The following LURAP1L variants were observed in gnomAD, a reference collection of about 807,000 sequenced individuals.
LURAP1L encodes the protein leucine rich adaptor protein 1 like, also known as leucine rich adaptor protein 1-like.
Under a neutral mutation model 13.8 loss-of-function variants are expected in LURAP1L, and 12 were observed. That is an observed-to-expected ratio of 0.87 (90% CI 0.56 to 1.41). The LOEUF is 1.41. Among genes scored for constraint, LURAP1L ranks in the 40% most tolerant of loss-of-function variants. The pLI is 0.00. For missense variants in LURAP1L, 375 were observed against 292.9 expected (o/e 1.28, Z -2.04); for synonymous variants, 139 against 119.2 (o/e 1.17, Z -1.08).
At chr9:12,793,771 C>G (rs949916098) in intron 1 of LURAP1L, among the ~76,000 whole-genome samples, 30 of 151,992 alleles carry the variant, frequency 2.0e-4, no homozygotes, top group African/African-American at 5.3e-4. Context: ...TGAACGGTAG[C>G]TTTACTTAGT....
chr9:12,799,404 T>C (rs1461934388), intron 1 of LURAP1L, among the ~76,000 whole-genome samples: 3 of 152,206 alleles, frequency 2.0e-5, no homozygotes, highest in Admixed American at 2.0e-4. Flanking sequence ...ATATTTACAT[T>C]GAAATAACTT....
At chr9:12,794,459 A>G (rs1819486333) in intron 1 of LURAP1L, among the ~76,000 whole-genome samples, 1 of 152,072 alleles carries the variant, frequency 6.6e-6, no homozygotes. Context: ...TTTGTAAACA[A>G]AACTTGGAGT....
intron 1 of LURAP1L, among the ~76,000 whole-genome samples, chr9:12,778,883 G>A (rs1819228164): frequency 6.6e-6 from 1 of 152,212 alleles, no homozygotes; most frequent in South Asian, 2.1e-4. Flanking sequence ...TTATCCATGG[G>A]AGATATGTTC....
intron 1 of LURAP1L, among the ~76,000 whole-genome samples, chr9:12,804,113 G>T (rs1159986728): frequency 6.6e-6 from 1 of 151,950 alleles, no homozygotes; most frequent in Non-Finnish European, 1.5e-5. Flanking sequence ...TTTTTTTCCT[G>T]TGCAATAGGG....
At chr9:12,790,334 C>T (rs1045021304) in intron 1 of LURAP1L, among the ~76,000 whole-genome samples, 2 of 152,096 alleles carry the variant, frequency 1.3e-5, no homozygotes, top group Non-Finnish European at 2.9e-5. Context: ...GTCCTTAATG[C>T]CTGGCCAATT....
At chr9:12,812,773 C>A (rs1415274389) in intron 1 of LURAP1L, among the ~76,000 whole-genome samples, 1 of 152,144 alleles carries the variant, frequency 6.6e-6, no homozygotes, top group Non-Finnish European at 1.5e-5. Context: ...ATTATAAAGC[C>A]TACTGTTTAT....
intron 1 of LURAP1L, among the ~76,000 whole-genome samples, chr9:12,808,613 T>C (rs1819693381): frequency 6.6e-6 from 1 of 152,208 alleles, no homozygotes; most frequent in South Asian, 2.1e-4. Context: ...CTTATACTTG[T>C]GCAACTGTAG....
At position 12,775,293 on chromosome 9, in the gene LURAP1L, G is replaced by A. The variant is rs933520500; in HGVS notation, c.-423G>A. The stretch of plus-strand genomic sequence containing the variant: ...ACCAGATGGGCAGTCAGTGAGCGGC[G>A]CAGGGATGTGAACGGACGGTTTTAT... On this transcript the variant is annotated 5_prime_UTR_variant, in exon 1 of 2. Coordinates refer to ENST00000319264, the MANE Select transcript of LURAP1L (RefSeq NM_203403.2). 3 of 161,310 alleles carry A rather than the reference G, an allele frequency of 1.9e-5. No individual in the cohort carries two copies. The South Asian group carries it at 5.8e-4, about 31-fold the overall frequency. 10.0% of individuals were successfully genotyped at this position (161,310 alleles called of 1,614,324 possible).
intron 1 of LURAP1L, among the ~76,000 whole-genome samples, chr9:12,807,140 G>C (rs1161060365): frequency 7.5e-6 from 1 of 133,898 alleles, no homozygotes; most frequent in Non-Finnish European, 1.6e-5. Context: ...GGTGGCAGGC[G>C]CCTGTAGTCC....
At chr9:12,801,063 G>T (rs887273831) in intron 1 of LURAP1L, among the ~76,000 whole-genome samples, 1 of 152,080 alleles carries the variant, frequency 6.6e-6, no homozygotes, top group African/African-American at 2.4e-5. Context: ...AGGTATAAAA[G>T]CAATTGAAAA....
At chr9:12,797,299 A>C (rs868230038) in intron 1 of LURAP1L, among the ~76,000 whole-genome samples, 5 of 152,024 alleles carry the variant, frequency 3.3e-5, no homozygotes, top group African/African-American at 4.8e-5. Context: ...TAACTACAAA[A>C]CCAGCCTAGA....
rs1329794715 is a variant in LURAP1L, at chr9:12,775,886, T to TAGC, written c.181_183dup (p.Ser61dup). 1.4e-6 allele frequency: 2 copies of TAGC among 1,469,004 alleles called. No individual in the cohort carries two copies. The highest frequency in any genetic ancestry group is 5.1e-5 in the East Asian group (2 of 38,892). The allele number at this position is 1,469,004 out of a possible 1,614,324, so 91.0% of individuals were successfully genotyped here. On this transcript the variant is annotated inframe_insertion, in exon 1 of 2. Transcript: ENST00000319264. ...GTGGCGGCGGCGGCGGCGGCTGCAG[T>TAGC]AGCAGCAGCAGCTACTGCAGCTTCC...
rs1401489738 is a variant in LURAP1L at position 12,776,133 on chromosome 9, G to C, written c.312+106G>C. ...AGAGGACGGCAGGGGCTGCAGAGCG[G>C]AGCGCTGGGCGCGTGGGAAATGCTG... is the stretch of plus-strand genomic sequence containing the variant. On this transcript the variant is annotated intron_variant, in intron 1 of 1. Transcript: ENST00000319264. 1.4e-5 allele frequency: 17 copies of C among 1,181,596 alleles called. No homozygotes were observed. The South Asian group carries it at 1.8e-4, about 12-fold the overall frequency. The allele number at this position is 1,181,596 out of a possible 1,614,324, so 73.2% of individuals were successfully genotyped here.
intron 1 of LURAP1L, among the ~76,000 whole-genome samples, chr9:12,809,149 C>T (rs925695433): frequency 6.6e-6 from 1 of 152,144 alleles, no homozygotes; most frequent in African/African-American, 2.4e-5. Flanking sequence ...GGGCACTAAG[C>T]CATCCCTGAT....
At chr9:12,797,176 C>T (rs184175551) in intron 1 of LURAP1L, among the ~76,000 whole-genome samples, 2 of 152,130 alleles carry the variant, frequency 1.3e-5, no homozygotes, top group Admixed American at 1.3e-4. Context: ...AGGACTCTTG[C>T]TATTTCTGTG....
intron 1 of LURAP1L, among the ~76,000 whole-genome samples, chr9:12,783,719 G>C (rs1038954279): frequency 6.6e-6 from 1 of 151,814 alleles, no homozygotes; most frequent in African/African-American, 2.4e-5. Context: ...TGGCCTAATA[G>C]ACTGAGTTTA....
chr9:12,787,749 T>C (rs1257198022), intron 1 of LURAP1L, among the ~76,000 whole-genome samples: 1 of 152,028 alleles, frequency 6.6e-6, no homozygotes, highest in African/African-American at 2.4e-5. Context: ...GGACAAAAAA[T>C]ACTTCACCGC....
chr9:12,815,970 G>C (rs1022363986), intron 1 of LURAP1L, among the ~76,000 whole-genome samples: 1 of 152,154 alleles, frequency 6.6e-6, no homozygotes, highest in Admixed American at 6.5e-5. Flanking sequence ...TTAGCCATGA[G>C]TTTTTACCAG....
At chr9:12,801,149 A>T (rs9298684) in intron 1 of LURAP1L, among the ~76,000 whole-genome samples, 4 of 152,044 alleles carry the variant, frequency 2.6e-5, no homozygotes, top group African/African-American at 9.7e-5. Flanking sequence ...AGTGAGTTGT[A>T]TAAGCAGAGA....
Sources: gnomAD v4.1 joint callset for allele counts (sites outside exome capture counted in the v4.1 genomes callset) on GRCh38, gnomAD v4.1.1 for gene constraint, MANE v1.5 for transcripts, NCBI Gene and HGNC (gene_info 2026-07-23, HGNC 2026-07-21) for gene names.